The following CCDC7 variants were observed in gnomAD, a reference collection of about 807,000 sequenced individuals.
CCDC7 encodes coiled-coil domain-containing protein 7.
A neutral mutation model predicts 196.9 loss-of-function variants in CCDC7; 183 were observed. That is an observed-to-expected ratio of 0.93 (90% CI 0.82 to 1.05). The LOEUF (loss-of-function observed/expected upper bound fraction) is 1.05. Among genes scored for constraint, CCDC7 ranks in the 50% least tolerant of loss-of-function variants. The pLI is 0.00. For synonymous variants in CCDC7, 525 were observed against 484.6 expected (o/e 1.08, Z -1.10); for missense variants, 1,540 against 1,482.2 (o/e 1.04, Z -0.64).
At chr10:32,771,050 A>G (rs1364109966) in intron 28 of CCDC7, among the ~76,000 whole-genome samples, 1 of 152,146 alleles carries the variant, frequency 6.6e-6, no homozygotes, top group Admixed American at 6.5e-5. Context: ...TGAATATTTT[A>G]AGTGGATCAT....
chr10:32,593,566 G>A (rs1436341749), intron 18 of CCDC7, among the ~76,000 whole-genome samples: 1 of 152,140 alleles, frequency 6.6e-6, no homozygotes, highest in Non-Finnish European at 1.5e-5. Context: ...GATCCCATTT[G>A]TCAATTTTGG....
chr10:32,541,070 T>C (rs944559977), intron 11 of CCDC7, among the ~76,000 whole-genome samples: 1 of 152,080 alleles, frequency 6.6e-6, no homozygotes, highest in Non-Finnish European at 1.5e-5. Flanking sequence ...TTCATTCTTT[T>C]TTCTTTGTTT....
At chr10:32,722,435 G>A (rs570510523) in intron 25 of CCDC7, among the ~76,000 whole-genome samples, 15 of 152,018 alleles carry the variant, frequency 9.9e-5, no homozygotes, top group South Asian at 2.1e-4. Context: ...AAAAATTGTC[G>A]TCAGTGGGCT....
exon 8 of CCDC7, chr10:32,474,017 G>A: frequency 1.9e-6 from 3 of 1,611,244 alleles, no homozygotes; most frequent in Middle Eastern, 1.7e-4. Flanking sequence ...TTCTGCAACA[G>A]AACCACGTAA....
chr10:32,817,767 C>A (rs564851851), intron 31 of CCDC7, among the ~76,000 whole-genome samples: 19 of 152,254 alleles, frequency 1.2e-4, no homozygotes, highest in African/African-American at 4.6e-4. Flanking sequence ...AAATAAAATC[C>A]TTTACAGACA....
intron 41 of CCDC7, among the ~76,000 whole-genome samples, chr10:32,868,653 G>T (rs900077578): frequency 6.6e-6 from 1 of 151,694 alleles, no homozygotes; most frequent in Admixed American, 6.6e-5. Context: ...GTGCCATGTT[G>T]GTGTGCTGCA....
chr10:32,752,682 A>G (rs1439813042), intron 28 of CCDC7, among the ~76,000 whole-genome samples: 1 of 152,146 alleles, frequency 6.6e-6, no homozygotes. Flanking sequence ...TCTCAATGTT[A>G]TTAGTGGGAG....
At chr10:32,472,437 T>A in intron 6 of CCDC7, 44 bp from the exon 8 acceptor site, 1 of 1,509,230 alleles carries the variant, frequency 6.6e-7, no homozygotes, top group Non-Finnish European at 8.9e-7. Flanking sequence ...AAACTCTTAC[T>A]CTTTGATATA....
rs565777113 is a variant in CCDC7 at position 32,865,126 on chromosome 10, A to G, written c.4111+10637A>G. ...TTGATCAAAATTAAAAACTTCACAC[A>G]TAAAAAGACAGCATTAAGCAAACAA... On this transcript the variant is annotated intron_variant, in intron 41 of 41. Coordinates refer to ENST00000639629, the Ensembl canonical transcript of CCDC7. 2.6e-5 allele frequency among the ~76,000 whole-genome samples: 4 copies of G among 152,008 alleles called. No individual in the cohort carries two copies. In the East Asian group the frequency reaches 7.7e-4, roughly 29 times the overall value.
In CCDC7 at chr10:32,691,605, TC is replaced by T. The variant is rs2077091595; in HGVS notation, c.2344+2443del. Among the ~76,000 whole-genome samples, 5 of 152,324 alleles carry T rather than the reference TC, an allele frequency of 3.3e-5. No individual in the cohort carries two copies. In the South Asian group the frequency reaches 1.0e-3, roughly 32 times the overall value. On this transcript the variant is annotated intron_variant, in intron 23 of 41. Coordinates refer to ENST00000639629, the Ensembl canonical transcript of CCDC7. ...AAAGGCTATGAAATGAAACTAGACA[TC>T]TAAATCTGGTTAAATCTTGTCATTA...
chr10:32,782,304 T>C (rs2081187337), intron 29 of CCDC7, among the ~76,000 whole-genome samples: 1 of 152,222 alleles, frequency 6.6e-6, no homozygotes, highest in African/African-American at 2.4e-5. Flanking sequence ...CTCAGCTCAC[T>C]GCAACCTCCG....
chr10:32,493,287 T>C lies in CCDC7; in HGVS notation c.872+1290T>C, dbSNP rs147689697. Among the ~76,000 whole-genome samples, 951 of 151,974 alleles carry C rather than the reference T, an allele frequency of 6.3e-3. 1 individual carries two copies. The highest frequency in any genetic ancestry group is 0.01 in the Non-Finnish European group (688 of 67,930). On this transcript the variant is annotated intron_variant, in intron 9 of 41. Transcript: ENST00000639629. Reference sequence around the variant, plus strand: ...AATTGTCTTTCTGTACCTGACTTCTTAGCATAATGCCCTTCAGTTTCATCC... The same window carrying C: ...AATTGTCTTTCTGTACCTGACTTCTCAGCATAATGCCCTTCAGTTTCATCC...
chr10:32,493,408 C>A (rs2042436802), intron 9 of CCDC7, among the ~76,000 whole-genome samples: 1 of 149,920 alleles, frequency 6.7e-6, no homozygotes, highest in South Asian at 2.1e-4. Flanking sequence ...ATATATATAT[C>A]TTCCACATGT....
chr10:32,673,671 G>GTATGTGTGTGTGTGTA (rs776973586), intron 21 of CCDC7, among the ~76,000 whole-genome samples: 2 of 151,376 alleles, frequency 1.3e-5, no homozygotes, highest in Non-Finnish European at 3.0e-5. Flanking sequence ...GTGTGTGTGT[G>GTATGTGTGTGTGTGTA]TGTGTGTGTG....
chr10:32,726,636 A>C, intron 25 of CCDC7, 98 bp from the exon 27 acceptor site: 1 of 632,204 alleles, frequency 1.6e-6, no homozygotes, highest in Admixed American at 3.3e-5. Context: ...AAATATTGCT[A>C]TATACTTGTT....
At chr10:32,547,034 T>C (rs761798714) in intron 13 of CCDC7, among the ~76,000 whole-genome samples, 7 of 151,996 alleles carry the variant, frequency 4.6e-5, no homozygotes, top group Non-Finnish European at 7.4e-5. Flanking sequence ...CCTTCTTTCT[T>C]CTTCTACAGG....
intron 25 of CCDC7, among the ~76,000 whole-genome samples, chr10:32,720,518 C>A (rs1221614480): frequency 6.6e-6 from 1 of 151,954 alleles, no homozygotes; most frequent in Non-Finnish European, 1.5e-5. Context: ...CACATGTATA[C>A]CTATGTAACA....
At chr10:32,456,820 T>C (rs2034450258) in intron 3 of CCDC7, among the ~76,000 whole-genome samples, 1 of 152,112 alleles carries the variant, frequency 6.6e-6, no homozygotes, top group Admixed American at 6.5e-5. Context: ...GTCTTTTTTT[T>C]CATATAATAG....
intron 21 of CCDC7, among the ~76,000 whole-genome samples, chr10:32,677,754 A>G (rs746739198): frequency 7.3e-5 from 11 of 151,616 alleles, no homozygotes; most frequent in Non-Finnish European, 1.2e-4. Context: ...TTTCCTCCTC[A>G]GATTTGAAAA....
Sources: allele counts gnomAD v4.1 joint callset (sites outside exome capture counted in the v4.1 genomes callset), GRCh38; gene constraint gnomAD v4.1.1; transcripts MANE v1.5; gene names NCBI Gene and HGNC (gene_info 2026-07-23, HGNC 2026-07-21).